SYNDIG1: variants seen among roughly 807,000 people sequenced by gnomAD.
The protein encoded by SYNDIG1 is synapse differentiation inducing 1.
A neutral mutation model predicts 19.4 loss-of-function variants in SYNDIG1; 9 were observed. The observed-to-expected ratio is 0.46, with a 90% CI of 0.28 to 0.81. The LOEUF (loss-of-function observed/expected upper bound fraction) is 0.81, where lower values mean the gene tolerates loss of function less well. SYNDIG1 is among the 30% of genes least tolerant of loss of function. The pLI is 0.12. For synonymous variants in SYNDIG1, 141 were observed against 145.9 expected (o/e 0.97, Z 0.24); for missense variants, 311 against 343.3 (o/e 0.91, Z 0.74).
chr20:24,523,743 T>G (rs1463075691), intron 1 of SYNDIG1, among the ~76,000 whole-genome samples: 1 of 152,220 alleles, frequency 6.6e-6, no homozygotes, highest in Admixed American at 6.5e-5. Context: ...AGTTTCTAAA[T>G]GACATTCTTT....
intron 1 of SYNDIG1, among the ~76,000 whole-genome samples, chr20:24,481,946 AAT>A (rs1200668422): frequency 2.6e-5 from 4 of 152,108 alleles, no homozygotes; most frequent in Non-Finnish European, 4.4e-5. Context: ...ATAAAGATTA[AAT>A]ATATATATAT....
chr20:24,579,977 C>G (rs1271595919), intron 2 of SYNDIG1, among the ~76,000 whole-genome samples: 1 of 152,208 alleles, frequency 6.6e-6, no homozygotes, highest in East Asian at 1.9e-4. Flanking sequence ...AGCCCTCTCT[C>G]TCTGTGGAGG....
At chr20:24,637,229 T>C (rs781402435) in intron 3 of SYNDIG1, among the ~76,000 whole-genome samples, 10 of 152,128 alleles carry the variant, frequency 6.6e-5, no homozygotes, top group Admixed American at 2.0e-4. Flanking sequence ...AAATACATAG[T>C]GAACAGAGGA....
intron 2 of SYNDIG1, among the ~76,000 whole-genome samples, chr20:24,572,419 G>A (rs1219200086): frequency 6.6e-6 from 1 of 152,242 alleles, no homozygotes; most frequent in East Asian, 1.9e-4. Context: ...ATCTTCGGCA[G>A]CTGGCTCTTC....
rs536941668 is a variant in SYNDIG1, at chr20:24,665,703, G to C, written c.*199G>C. 1 of 638,976 alleles carries C rather than the reference G, an allele frequency of 1.6e-6. No homozygotes were observed. The highest frequency in any genetic ancestry group is 2.5e-6 in the Non-Finnish European group (1 of 407,186). 39.6% of individuals were successfully genotyped at this position (638,976 alleles called of 1,614,324 possible). A position where few individuals can be genotyped will look rare whatever the true frequency, so the allele number is the denominator to read the frequency against. On this transcript the variant is annotated 3_prime_UTR_variant, in exon 4 of 4. Coordinates refer to ENST00000376862, the MANE Select transcript of SYNDIG1 (RefSeq NM_024893.3). ...GCACTGTGTAGAGCACCAGACAGACGGGCACTGCTAATCCTTCCAAAGGAA... is the reference window on the plus strand; with the variant it reads ...GCACTGTGTAGAGCACCAGACAGACCGGCACTGCTAATCCTTCCAAAGGAA...
intron 3 of SYNDIG1, among the ~76,000 whole-genome samples, chr20:24,627,907 C>G (rs193301000): frequency 3.3e-5 from 5 of 152,194 alleles, no homozygotes; most frequent in South Asian, 2.1e-4. Flanking sequence ...ATCCTCGGGC[C>G]GGAGAGCAGC....
chr20:24,535,323 A>G (rs1026246360), intron 1 of SYNDIG1, among the ~76,000 whole-genome samples: 3 of 152,240 alleles, frequency 2.0e-5, no homozygotes, highest in Non-Finnish European at 4.4e-5. Flanking sequence ...CCTCATCACT[A>G]AATGTACAGC....
chr20:24,500,058 C>T (rs1264593610), intron 1 of SYNDIG1, among the ~76,000 whole-genome samples: 1 of 152,090 alleles, frequency 6.6e-6, no homozygotes, highest in Non-Finnish European at 1.5e-5. Context: ...CCAAAAAAGG[C>T]CACAGCCAGC....
intron 3 of SYNDIG1, among the ~76,000 whole-genome samples, chr20:24,626,581 C>T (rs2059140593): frequency 1.3e-5 from 2 of 151,608 alleles, no homozygotes; most frequent in East Asian, 2.0e-4. Context: ...AGACGCTCCT[C>T]ACTTTCCAGA....
intron 2 of SYNDIG1, among the ~76,000 whole-genome samples, chr20:24,546,780 G>A (rs1490978926): frequency 6.6e-6 from 1 of 151,926 alleles, no homozygotes; most frequent in Non-Finnish European, 1.5e-5. Context: ...TAGACTTTTG[G>A]CATCATTTTT....
At chr20:24,648,962 G>A (rs1206009460) in intron 3 of SYNDIG1, among the ~76,000 whole-genome samples, 4 of 152,250 alleles carry the variant, frequency 2.6e-5, no homozygotes, top group South Asian at 2.1e-4. Context: ...TCATCCAGGT[G>A]CAAGGTGCGA....
intron 3 of SYNDIG1, among the ~76,000 whole-genome samples, chr20:24,606,451 T>C (rs978194309): frequency 5.3e-5 from 8 of 152,254 alleles, no homozygotes; most frequent in African/African-American, 1.7e-4. Flanking sequence ...TCCCCAAATC[T>C]TAGGTTCTGT....
In SYNDIG1 at chr20:24,599,686, C is replaced by T. The variant is rs2058649602; in HGVS notation, c.618+14693C>T. Among the ~76,000 whole-genome samples the T allele has an allele frequency of 3.3e-5, 5 of 152,134 alleles. No individual in the cohort carries two copies. The South Asian group carries it at 6.2e-4, about 19-fold the overall frequency. On this transcript the variant is annotated intron_variant, in intron 3 of 3. Transcript: ENST00000376862. ...AATGGAATAATGCCATTTTCAGCAT[C>T]GTGGATGGAACTGGAGATTATTAAG...
At chr20:24,480,012 C>G (rs115326664) in intron 1 of SYNDIG1, among the ~76,000 whole-genome samples, 1 of 152,210 alleles carries the variant, frequency 6.6e-6, no homozygotes, top group Non-Finnish European at 1.5e-5. Flanking sequence ...CGTGCACGCG[C>G]GCACGCACAC....
At position 24,640,842 on chromosome 20, in the gene SYNDIG1, C is replaced by T. The variant is rs1450901551; in HGVS notation, c.619-24504C>T. Among the ~76,000 whole-genome samples, 5 of 152,316 alleles carry T rather than the reference C, an allele frequency of 3.3e-5. No homozygotes were observed. The East Asian group carries it at 9.7e-4, about 29-fold the overall frequency. ...CCGATAGCATTTCACAGGCACAAAA[C>T]AGCCACCACCCACGTGTCAGGGAGA... On this transcript the variant is annotated intron_variant, in intron 3 of 3. Coordinates refer to ENST00000376862, the MANE Select transcript of SYNDIG1 (RefSeq NM_024893.3).
At chr20:24,490,488 G>A (rs1022804601) in intron 1 of SYNDIG1, among the ~76,000 whole-genome samples, 2 of 152,130 alleles carry the variant, frequency 1.3e-5, no homozygotes, top group African/African-American at 2.4e-5. Flanking sequence ...GGTTGTATCT[G>A]GGGCTCTGCT....
chr20:24,623,189 G>T (rs200274348), intron 3 of SYNDIG1, among the ~76,000 whole-genome samples: 5 of 141,632 alleles, frequency 3.5e-5, no homozygotes, highest in Non-Finnish European at 7.7e-5. Context: ...AAAAAAAAAA[G>T]AAAAGAAAAA....
At chr20:24,619,653 TA>T (rs1292466021) in intron 3 of SYNDIG1, among the ~76,000 whole-genome samples, 2 of 152,258 alleles carry the variant, frequency 1.3e-5, no homozygotes, top group Non-Finnish European at 2.9e-5. Context: ...TGTTTATAAT[TA>T]AGATAAATGT....
Position 24,658,305 on chromosome 20 carries a change from G to T in SYNDIG1, c.619-7041G>T, listed in dbSNP as rs1408931316. Among the ~76,000 whole-genome samples, 1 of 152,114 alleles carries T rather than the reference G, an allele frequency of 6.6e-6. No homozygotes were observed. Among genetic ancestry groups the T allele is most frequent in the Non-Finnish European group, 1.5e-5 (1 of 68,008 alleles). ...CTTCAGACATCTCCAGGGTGTCTCG[G>T]GGAAAGGCAGGTAGTGACGCGGCAG... On this transcript the variant is annotated intron_variant, in intron 3 of 3. Coordinates refer to ENST00000376862, the MANE Select transcript of SYNDIG1 (RefSeq NM_024893.3). The surrounding 1 kb of genome is among the most constrained non-coding windows in gnomAD (Gnocchi z 4.4).
Sources: allele counts gnomAD v4.1 joint callset (sites outside exome capture counted in the v4.1 genomes callset), GRCh38; gene constraint gnomAD v4.1.1; non-coding constraint Gnocchi (gnomAD v3.1); transcripts MANE v1.5; gene names NCBI Gene and HGNC (gene_info 2026-07-23, HGNC 2026-07-21).